Variants in NEB observed in about 807,000 individuals in gnomAD.
The protein encoded by NEB is nebulin.
NEB carries 512 observed loss-of-function variants against 952.2 expected under a neutral mutation model. That is an observed-to-expected ratio of 0.54 (90% CI 0.50 to 0.58). NEB has a LOEUF of 0.58. NEB is among the 20% of genes least tolerant of loss of function. The pLI, the probability that NEB is intolerant of heterozygous loss-of-function variation, is 0.00. For missense variants in NEB, 8,428 were observed against 9,231.1 expected (o/e 0.91, Z 3.56); for synonymous variants, 2,900 against 3,149.8 (o/e 0.92, Z 2.66).
rs1064796521 is a variant in NEB, at chr2:151,501,428, A to G, written c.23984T>C (p.Met7995Thr). The G allele has an allele frequency of 1.3e-6, 2 of 1,548,560 alleles. No individual in the cohort carries two copies. Among genetic ancestry groups the G allele is most frequent in the South Asian group, 1.2e-5 (1 of 83,218 alleles). ...KGTPLPVTPEMERVKLNQENF... is the reference protein window; with the variant it reads ...KGTPLPVTPETERVKLNQENF... ...TTCTTGATTGAGTTTGACTCGCTCC[A>G]TCTCAGGAGTGACAGGTAGGGGAGT... The change falls in exon 168 of 182, where the codon ATG becomes ACG. Residue 7995 changes from methionine to threonine, a missense_variant. By Grantham distance (81) the Met-to-Thr change is moderately conservative. Coordinates refer to ENST00000397345, the MANE Select transcript of NEB (RefSeq NM_001164508.2).
At position 151,727,733 on chromosome 2, in the gene NEB, G is replaced by A. The variant is rs201735545; in HGVS notation, c.252C>T (p.Pro84=). 8.1e-6 allele frequency: 13 copies of A among 1,613,622 alleles called. No homozygotes were observed. The Admixed American group carries it at 1.8e-4, about 23-fold the overall frequency. The change falls in exon 5 of 182, where the codon CCC becomes CCT. Residue 84 remains proline (P), a synonymous_variant. Coordinates refer to ENST00000397345, the MANE Select transcript of NEB (RefSeq NM_001164508.2). ...KKVDPSKFMT[P]YIAHSQKMQD... ...GCATTTTCTGACTGTGTGCAATGTA[G>A]GGGGTCATGAACTTTGAAGGATCCA...
At chr2:151,544,174 T>C (rs2094438232) in intron 135 of NEB, among the ~76,000 whole-genome samples, 3 of 152,152 alleles carry the variant, frequency 2.0e-5, no homozygotes, top group Non-Finnish European at 2.9e-5. Flanking sequence ...TCCATTCTTC[T>C]TCCTCAGTGC....
intron 3 of NEB, 52 bp from the exon 4 acceptor site, chr2:151,729,708 TCTC>T: frequency 6.3e-7 from 1 of 1,582,040 alleles, no homozygotes; most frequent in East Asian, 2.2e-5. Context: ...AGAAACCACC[TCTC>T]CTCTGCCTCA....
At chr2:151,492,556 C>G in intron 176 of NEB, 62 bp from the exon 177 acceptor site, 1 of 1,279,490 alleles carries the variant, frequency 7.8e-7, no homozygotes, top group Non-Finnish European at 1.1e-6. Flanking sequence ...CAAAGCCTTT[C>G]CAGCAGATAG....
At chr2:151,565,871 G>T (rs2096350769) in intron 114 of NEB, 51 bp from the exon 115 acceptor site, 2 of 1,254,494 alleles carry the variant, frequency 1.6e-6, no homozygotes, top group Admixed American at 2.0e-5. Flanking sequence ...TGAGACACAG[G>T]CTTACAGAGG....
chr2:151,495,952 C>G (rs182563044), intron 173 of NEB, among the ~76,000 whole-genome samples: 1 of 152,138 alleles, frequency 6.6e-6, no homozygotes, highest in South Asian at 2.1e-4. Flanking sequence ...CCACCCCACA[C>G]GTACCCGTCC....
intron 153 of NEB, among the ~76,000 whole-genome samples, chr2:151,520,214 A>C (rs1268061464): frequency 6.6e-6 from 1 of 152,170 alleles, no homozygotes; most frequent in Non-Finnish European, 1.5e-5. Context: ...GAATCTGTTA[A>C]ATTAGGAGAA....
At position 151,694,391 on chromosome 2, in the gene NEB, C is replaced by T. The variant is rs1166853973; in HGVS notation, c.1828G>A (p.Gly610Arg). ...GGATCGTCATTAATGCTGAGGACTC[C>T]AATCATTTTCCCTTTGTTTTTTTCA... ...DYEKNKGKMIGVLSINDDPKM... is the reference protein window; with the variant it reads ...DYEKNKGKMIRVLSINDDPKM... The change falls in exon 20 of 182, where the codon GGA becomes AGA. Residue 610 changes from glycine to arginine, a missense_variant. Gly to Arg is a moderately radical substitution (Grantham distance 125). This residue lies in a region of NEB where 2,851 missense variants were observed against 2,791.5 expected (regional missense o/e 1.02). Transcript: ENST00000397345. 1 of 1,613,846 alleles carries T rather than the reference C, an allele frequency of 6.2e-7. No homozygotes were observed. Among genetic ancestry groups the T allele is most frequent in the Non-Finnish European group, 8.5e-7 (1 of 1,179,898 alleles).
At chr2:151,506,419 A>G in intron 163 of NEB, 161 bp from the exon 164 acceptor site, 1 of 611,448 alleles carries the variant, frequency 1.6e-6, no homozygotes, top group East Asian at 2.7e-5. Context: ...TGTCAGTATC[A>G]GTGACTCAGA....
At position 151,567,467 on chromosome 2, in the gene NEB, C is replaced by T. The variant is rs1560024220; in HGVS notation, c.17857G>A (p.Ala5953Thr). 2 of 1,609,280 alleles carry T rather than the reference C, an allele frequency of 1.2e-6. No individual in the cohort carries two copies. The highest frequency in any genetic ancestry group is 8.5e-7 in the Non-Finnish European group (1 of 1,177,268). ...TGACCTTTTTGCTTCACATGTTCAG[C>T]TTTGTATTTCAGCTGGCGAGAAGAG... ...NDVQSELKYK[A>T]EHVKQKGHYV... Residue 5953 changes from alanine (A) to threonine (T), a missense_variant, in exon 114 of 182, where the codon GCT becomes ACT. By Grantham distance (58) the Ala-to-Thr change is moderately conservative (BLOSUM62 0). This residue lies in a region of NEB where 3,374 missense variants were observed against 3,651.5 expected (regional missense o/e 0.92). Transcript: ENST00000397345.
At chr2:151,675,764 G>C (rs1470170574) in intron 34 of NEB, among the ~76,000 whole-genome samples, 1 of 142,240 alleles carries the variant, frequency 7.0e-6, no homozygotes, top group Admixed American at 6.8e-5. Context: ...TCCCTAGAGA[G>C]AAAGTAGTAG....
chr2:151,576,508 ATATATATATTTTTTTTTTTTTT>A (rs1348675788), intron 105 of NEB, among the ~76,000 whole-genome samples, 154 bp from the exon 106 acceptor site: 3 of 50,000 alleles, frequency 6.0e-5, no homozygotes, highest in African/African-American at 2.7e-4. Flanking sequence ...ATATATATAT[ATATATATATTTTTTTTTTTTTT>A]TTTTTTTTTT....
intron 34 of NEB, among the ~76,000 whole-genome samples, chr2:151,676,722 T>A (rs78555217): frequency 6.6e-6 from 1 of 152,230 alleles, no homozygotes; most frequent in Non-Finnish European, 1.5e-5. Context: ...GTTACCTGTG[T>A]ACAAGGCACC....
rs375877485 is a variant in NEB, at chr2:151,704,720, A to C, written c.1152+2161T>G. 2.0e-4 allele frequency among the ~76,000 whole-genome samples: 30 copies of C among 152,232 alleles called. 1 individual carries two copies. The East Asian group carries it at 5.4e-3, about 27-fold the overall frequency. On this transcript the variant is annotated intron_variant, in intron 13 of 181. Transcript: ENST00000397345. ...GCAATGCCTCGCCCTGCTTCGGCTC[A>C]CGCACAGTGCGAGCACTCACTGACC...
intron 146 of NEB, 54 bp from the exon 147 acceptor site, chr2:151,527,639 A>C: frequency 7.7e-7 from 1 of 1,306,124 alleles, no homozygotes; most frequent in Non-Finnish European, 1.1e-6. Flanking sequence ...TAAATTCATA[A>C]ACACACACAT....
chr2:151,630,858 A>G, intron 66 of NEB, 39 bp from the exon 67 acceptor site: 1 of 1,493,018 alleles, frequency 6.7e-7, no homozygotes, highest in South Asian at 1.3e-5. Flanking sequence ...AAATCATTTG[A>G]AATAGAAATG....
At position 151,672,574 on chromosome 2, in the gene NEB, T is replaced by G; in HGVS notation, c.4094A>C (p.Gln1365Pro). The G allele has an allele frequency of 3.1e-6, 5 of 1,614,038 alleles. No homozygotes were observed. The highest frequency in any genetic ancestry group is 4.2e-6 in the Non-Finnish European group (5 of 1,179,902). ...LVHYMNVAKL[Q>P]SDREYKKNYE... is the part of the protein sequence containing the mutation. Reference sequence around the variant, plus strand: ...GTTCTTCTTGTATTCACGATCAGACTGCAGCTTTGCCACATTCATATAGTG... The same window carrying G: ...GTTCTTCTTGTATTCACGATCAGACGGCAGCTTTGCCACATTCATATAGTG... Residue 1365 changes from glutamine to proline, a missense_variant, in exon 37 of 182, where the codon CAG (glutamine) becomes CCG (proline). By Grantham distance (76) the Gln-to-Pro change is moderately conservative (BLOSUM62 -1). This residue lies in a region of NEB where 2,851 missense variants were observed against 2,791.5 expected (regional missense o/e 1.02). Transcript: ENST00000397345.
At chr2:151,696,838 A>C (rs912722579) in intron 16 of NEB, 103 bp from the exon 17 acceptor site, 1 of 779,490 alleles carries the variant, frequency 1.3e-6, no homozygotes, top group Non-Finnish European at 2.1e-6. Context: ...AAGCAATGAA[A>C]CTTGTAGTTA....
chr2:151,540,633 G>C, intron 137 of NEB, 64 bp downstream of exon 137: 1 of 1,407,598 alleles, frequency 7.1e-7, no homozygotes, highest in East Asian at 2.3e-5. Context: ...GAGGTAGCAG[G>C]GGAAGGTTTT....
Sources: gnomAD v4.1 joint callset for allele counts (sites outside exome capture counted in the v4.1 genomes callset) on GRCh38, gnomAD v4.1.1 for gene constraint, gnomAD v4.1.1 regional missense constraint, MANE v1.5 for transcripts, NCBI Gene and HGNC (gene_info 2026-07-23, HGNC 2026-07-21) for gene names.